PTPRD: variants seen among roughly 807,000 people sequenced by gnomAD.
PTPRD encodes the protein protein tyrosine phosphatase receptor type D, also known as receptor-type tyrosine-protein phosphatase delta.
PTPRD carries 34 observed loss-of-function variants against 214.5 expected under a neutral mutation model. That is an observed-to-expected ratio of 0.16 (90% CI 0.12 to 0.21). PTPRD has a LOEUF of 0.21. PTPRD is among the 10% of genes least tolerant of loss of function. PTPRD has a pLI of 1.00. For missense variants in PTPRD, 2,545 were observed against 2,398.7 expected, an observed-to-expected ratio of 1.06 and a Z score of -1.27; for synonymous variants, 1,128 against 845.7, an observed-to-expected ratio of 1.33 and a Z score of -5.79.
intron 11 of PTPRD, among the ~76,000 whole-genome samples, chr9:8,929,721 A>ATATATATGTGTATATATATGTGTG (rs1567060059): frequency 6.5e-5 from 5 of 77,424 alleles, no homozygotes; most frequent in East Asian, 3.3e-4. Flanking sequence ...ATATATGTGT[A>ATATATATGTGTATATATATGTGTG]TATATATATG....
rs991374910 is a variant in PTPRD, at chr9:8,713,609, T to C, written c.64+20171A>G. ...AACATGTACCGGGAATACCGGGACC[T>C]GACCACCGCGGGCGCTGTCACCCAG... On this transcript the variant is annotated intron_variant, in intron 12 of 45. Coordinates refer to ENST00000381196, the MANE Select transcript of PTPRD (RefSeq NM_002839.4). 1.7e-5 allele frequency: 26 copies of C among 1,532,044 alleles called. 1 individual carries two copies. In the Admixed American group the frequency reaches 4.2e-4, roughly 25 times the overall value. The allele number at this position is 1,532,044 out of a possible 1,614,324, so 94.9% of individuals were successfully genotyped here.
intron 35 of PTPRD, among the ~76,000 whole-genome samples, chr9:8,418,616 A>G (rs916399406): frequency 3.3e-5 from 5 of 151,106 alleles, no homozygotes; most frequent in African/African-American, 9.7e-5. Flanking sequence ...AATTTCTGTG[A>G]AAGTCTTTCA....
intron 39 of PTPRD, among the ~76,000 whole-genome samples, chr9:8,353,590 ACC>A (rs370290984): frequency 6.6e-6 from 1 of 151,532 alleles, no homozygotes; most frequent in African/African-American, 2.4e-5. Flanking sequence ...ACGCCACTAC[ACC>A]CGGCTCATTT....
At chr9:10,462,563 GA>G (rs150086176) in intron 2 of PTPRD, among the ~76,000 whole-genome samples, 5,021 of 152,158 alleles carry the variant, frequency 0.033, 255 homozygotes, top group African/African-American at 0.11. Context: ...CAGGACATAA[GA>G]AAAACTATCT....
chr9:10,412,810 A>C (rs1347160643), intron 2 of PTPRD, among the ~76,000 whole-genome samples: 1 of 151,940 alleles, frequency 6.6e-6, no homozygotes, highest in Non-Finnish European at 1.5e-5. Context: ...TTCAACGTAC[A>C]CAAATCAATA....
intron 2 of PTPRD, among the ~76,000 whole-genome samples, chr9:10,363,684 AT>A (rs1241031809): frequency 6.6e-6 from 1 of 152,162 alleles, no homozygotes; most frequent in African/African-American, 2.4e-5. Flanking sequence ...CCACGTCAAC[AT>A]TTTTTTGGAT....
chr9:9,560,324 C>A (rs1705118313), intron 8 of PTPRD, among the ~76,000 whole-genome samples: 1 of 152,326 alleles, frequency 6.6e-6, no homozygotes, highest in Middle Eastern at 3.4e-3. Flanking sequence ...CAGGGCGAGC[C>A]TGCAAGAACA....
At chr9:9,204,748 T>A (rs907561835) in intron 9 of PTPRD, among the ~76,000 whole-genome samples, 6 of 152,192 alleles carry the variant, frequency 3.9e-5, no homozygotes, top group Non-Finnish European at 8.8e-5. Flanking sequence ...CTTGTAAAAA[T>A]AGCTTTTGAC....
chr9:9,407,478 A>T (rs2073917867), intron 8 of PTPRD, among the ~76,000 whole-genome samples: 1 of 151,832 alleles, frequency 6.6e-6, no homozygotes, highest in African/African-American at 2.4e-5. Context: ...AGTATACCAG[A>T]TTTATCAAAA....
chr9:8,558,343 A>G (rs1302654103), intron 14 of PTPRD, among the ~76,000 whole-genome samples: 2 of 152,108 alleles, frequency 1.3e-5, no homozygotes, highest in African/African-American at 2.4e-5. Flanking sequence ...CACCTGTACT[A>G]TTTCCTAATA....
chr9:8,766,633 G>A (rs1391478442), intron 11 of PTPRD, among the ~76,000 whole-genome samples: 2 of 152,128 alleles, frequency 1.3e-5, no homozygotes, highest in Non-Finnish European at 2.9e-5. Flanking sequence ...TGGTGGGAAA[G>A]GACACTTCTT....
At chr9:8,776,253 G>A (rs75068165) in intron 11 of PTPRD, among the ~76,000 whole-genome samples, 6,424 of 152,162 alleles carry the variant, frequency 0.042, 318 homozygotes, top group African/African-American at 0.12. Flanking sequence ...GTTTGCCATG[G>A]GTAAAATGGG....
chr9:10,216,093 C>A (rs528983673), intron 3 of PTPRD, among the ~76,000 whole-genome samples: 1 of 151,796 alleles, frequency 6.6e-6, no homozygotes, highest in Non-Finnish European at 1.5e-5. Context: ...TAGATTTTTC[C>A]TTTTACTAAC....
At chr9:9,712,208 AT>A (rs1445039550) in intron 7 of PTPRD, among the ~76,000 whole-genome samples, 1 of 152,190 alleles carries the variant, frequency 6.6e-6, no homozygotes. Flanking sequence ...ATCAATGAAC[AT>A]TAAAAAGTAG....
chr9:9,659,736 C>T (rs2096587403), intron 7 of PTPRD, among the ~76,000 whole-genome samples: 1 of 151,986 alleles, frequency 6.6e-6, no homozygotes, highest in South Asian at 2.1e-4. Flanking sequence ...ATTTGCATTC[C>T]TAAAAGGTGA....
intron 14 of PTPRD, among the ~76,000 whole-genome samples, chr9:8,613,536 C>T (rs2095518324): frequency 6.6e-6 from 1 of 152,104 alleles, no homozygotes; most frequent in Non-Finnish European, 1.5e-5. Flanking sequence ...GACTCTCTGA[C>T]ATCATCATGC....
intron 3 of PTPRD, among the ~76,000 whole-genome samples, chr9:10,217,214 T>A (rs1481678893): frequency 6.6e-6 from 1 of 151,870 alleles, no homozygotes; most frequent in Non-Finnish European, 1.5e-5. Flanking sequence ...GATTTAGATT[T>A]AAGTTATACT....
At chr9:9,719,279 C>A (rs1340629816) in intron 7 of PTPRD, among the ~76,000 whole-genome samples, 1 of 152,120 alleles carries the variant, frequency 6.6e-6, no homozygotes, top group Non-Finnish European at 1.5e-5. Flanking sequence ...CCATGTTCAA[C>A]CTCCAGTTGT....
intron 11 of PTPRD, among the ~76,000 whole-genome samples, chr9:8,777,456 A>G (rs1470824995): frequency 6.6e-6 from 1 of 152,150 alleles, no homozygotes. Flanking sequence ...TAGTTGCCAT[A>G]CCTCCTTCCT....
Sources: gnomAD v4.1 joint callset for allele counts (sites outside exome capture counted in the v4.1 genomes callset) on GRCh38, gnomAD v4.1.1 for gene constraint, MANE v1.5 for transcripts, NCBI Gene and HGNC (gene_info 2026-07-23, HGNC 2026-07-21) for gene names.